The following PTPRJ variants were observed in gnomAD, a reference collection of about 807,000 sequenced individuals.
PTPRJ encodes receptor-type tyrosine-protein phosphatase eta.
A neutral mutation model predicts 141.3 loss-of-function variants in PTPRJ; 129 were observed. The ratio of observed to expected loss-of-function variants is 0.91; its 90% CI spans 0.79 to 1.06. The LOEUF (loss-of-function observed/expected upper bound fraction) is 1.06. Among genes scored for constraint, PTPRJ ranks in the 50% least tolerant of loss-of-function variants. The pLI, the probability that PTPRJ is intolerant of heterozygous loss-of-function variation, is 0.00. For synonymous variants in PTPRJ, 610 were observed against 640.5 expected, an observed-to-expected ratio of 0.95 and a Z score of 0.72; for missense variants, 1,601 against 1,679.7, an observed-to-expected ratio of 0.95 and a Z score of 0.82.
intron 1 of PTPRJ, among the ~76,000 whole-genome samples, chr11:48,106,952 A>G (rs2134320485): frequency 6.6e-6 from 1 of 151,676 alleles, no homozygotes; most frequent in South Asian, 2.1e-4. Flanking sequence ...TATTTTTAGT[A>G]GAGTTGGGGT....
At chr11:48,115,664 A>G (rs867858243) in intron 3 of PTPRJ, among the ~76,000 whole-genome samples, 5 of 152,376 alleles carry the variant, frequency 3.3e-5, no homozygotes, top group Middle Eastern at 3.4e-3. Context: ...GAATACTGTA[A>G]TGGTCATACA....
intron 1 of PTPRJ, among the ~76,000 whole-genome samples, chr11:47,986,944 GGT>G (rs1200891218): frequency 6.6e-6 from 1 of 152,164 alleles, no homozygotes; most frequent in Non-Finnish European, 1.5e-5. Context: ...GGCTGGGCAG[GGT>G]GACTCATTCC....
chr11:48,008,083 G>C (rs1346046295), intron 1 of PTPRJ, among the ~76,000 whole-genome samples: 1 of 152,094 alleles, frequency 6.6e-6, no homozygotes, highest in East Asian at 1.9e-4. Context: ...GGCTTTTAGG[G>C]TTGAGTTCTG....
At chr11:48,136,950 G>A in intron 9 of PTPRJ, 53 bp from the exon 10 acceptor site, 1 of 1,477,850 alleles carries the variant, frequency 6.8e-7, no homozygotes, top group Non-Finnish European at 9.3e-7. Context: ...AATAGTCCTG[G>A]AATTCTACTT....
intron 1 of PTPRJ, among the ~76,000 whole-genome samples, chr11:48,059,734 TCCTC>T (rs1351953545): frequency 2.6e-5 from 4 of 152,076 alleles, no homozygotes; most frequent in African/African-American, 7.2e-5. Flanking sequence ...GCCAAATGCT[TCCTC>T]CCAGCCGCCT....
In PTPRJ at chr11:48,146,952, G is replaced by C. The variant is rs771982808; in HGVS notation, c.2988G>C (p.Trp996Cys). 1 of 1,613,476 alleles carries C rather than the reference G, an allele frequency of 6.2e-7. No homozygotes were observed. The change falls in exon 15 of 25, where the codon TGG becomes TGC. Residue 996 changes from tryptophan to cysteine, a missense_variant. Trp to Cys is a radical substitution (Grantham distance 215). Transcript: ENST00000418331. ...TGACTGTGGGAGGCTTCATCTTCTGGAGAAAGAAGAGGTGATATTGCTTAT... is the reference window on the plus strand; with the variant it reads ...TGACTGTGGGAGGCTTCATCTTCTGCAGAAAGAAGAGGTGATATTGCTTAT... ...VIVTVGGFIF[W>C]RKKRKDAKNN...
intron 1 of PTPRJ, among the ~76,000 whole-genome samples, chr11:48,074,709 T>G (rs1354205823): frequency 6.6e-6 from 1 of 152,218 alleles, no homozygotes. Flanking sequence ...CACTGAACCT[T>G]AATCCTTAGG....
At position 47,980,956 on chromosome 11, in the gene PTPRJ, C is replaced by T. The variant is rs973903118; in HGVS notation, c.44C>T (p.Pro15Leu). 8.3e-7 allele frequency: 1 copy of T among 1,202,914 alleles called. No homozygotes were observed. The highest frequency in any genetic ancestry group is 1.0e-6 in the Non-Finnish European group (1 of 969,822). 74.5% of individuals were successfully genotyped at this position (1,202,914 alleles called of 1,614,324 possible). A position where few individuals can be genotyped will look rare whatever the true frequency, so the allele number is the denominator to read the frequency against. The change falls in exon 1 of 25, where the codon CCC becomes CTC. Residue 15 changes from proline (P) to leucine (L), a missense_variant. Transcript: ENST00000418331. ...GAGGCGCGGCTGCCTCCGCGCTCGCCCGGGCTGCGCTGGGCGCTGCCGCTG... is the reference window on the plus strand; with the variant it reads ...GAGGCGCGGCTGCCTCCGCGCTCGCTCGGGCTGCGCTGGGCGCTGCCGCTG... ...AREARLPPRS[P>L]GLRWALPLLL...
chr11:48,057,986 G>C (rs956080634), intron 1 of PTPRJ, among the ~76,000 whole-genome samples: 2 of 150,920 alleles, frequency 1.3e-5, no homozygotes, highest in African/African-American at 4.9e-5. Context: ...ATCTCGGCTC[G>C]CTGCAGCCTC....
intron 1 of PTPRJ, among the ~76,000 whole-genome samples, chr11:48,027,420 TATGG>T (rs1158158999): frequency 1.3e-5 from 2 of 152,038 alleles, no homozygotes; most frequent in African/African-American, 4.8e-5. Flanking sequence ...TTGGTCCTGA[TATGG>T]ATGGGGCTAG....
chr11:48,021,330 C>T (rs558280196), intron 1 of PTPRJ, among the ~76,000 whole-genome samples: 56 of 151,316 alleles, frequency 3.7e-4, no homozygotes, highest in African/African-American at 1.3e-3. Context: ...GCCAAGATCA[C>T]GCCATTGCAC....
At chr11:48,012,213 G>A (rs1714063281) in intron 1 of PTPRJ, among the ~76,000 whole-genome samples, 1 of 152,024 alleles carries the variant, frequency 6.6e-6, no homozygotes, top group Non-Finnish European at 1.5e-5. Flanking sequence ...GTGAGTGCTT[G>A]GCTAGTGGCA....
rs909941320 is a variant in PTPRJ, at chr11:48,168,842, T to A, written c.*1480T>A. 2.6e-5 allele frequency: 4 copies of A among 151,982 alleles called. No homozygotes were observed. Among genetic ancestry groups the A allele is most frequent in the Non-Finnish European group, 5.9e-5 (4 of 68,000 alleles). 9.4% of individuals were successfully genotyped at this position (151,982 alleles called of 1,614,324 possible). Reference sequence around the variant, plus strand: ...ATTAACATGAAAAGATTTTTTCTTTTTATTTTATATTGTGGCTCAGGTTAT... The same window carrying A: ...ATTAACATGAAAAGATTTTTTCTTTATATTTTATATTGTGGCTCAGGTTAT... On this transcript the variant is annotated 3_prime_UTR_variant, in exon 25 of 25. Transcript: ENST00000418331.
intron 18 of PTPRJ, among the ~76,000 whole-genome samples, chr11:48,152,885 G>T (rs1370169714): frequency 6.6e-6 from 1 of 152,070 alleles, no homozygotes; most frequent in Non-Finnish European, 1.5e-5. Context: ...TGTTCTTTTG[G>T]CTTAGGATTG....
At chr11:48,149,907 T>C in intron 16 of PTPRJ, 83 bp from the exon 17 acceptor site, 1 of 1,108,398 alleles carries the variant, frequency 9.0e-7, no homozygotes, top group Non-Finnish European at 1.3e-6. Context: ...TTTGTTGTTT[T>C]GGGAAGATTG....
At chr11:48,134,328 A>G (rs567125235) in intron 8 of PTPRJ, among the ~76,000 whole-genome samples, 1 of 152,312 alleles carries the variant, frequency 6.6e-6, no homozygotes, top group South Asian at 2.1e-4. Context: ...TAGTGGCTAA[A>G]GAGTATTTCA....
In PTPRJ at chr11:48,136,065, G is replaced by T; in HGVS notation, c.1642G>T (p.Val548Leu). The T allele has an allele frequency of 1.2e-6, 2 of 1,614,118 alleles. No homozygotes were observed. Among genetic ancestry groups the T allele is most frequent in the Non-Finnish European group, 8.5e-7 (1 of 1,179,986 alleles). ...TVPSAVFDIHVVYVTTTEMWL... is the reference protein window; with the variant it reads ...TVPSAVFDIHLVYVTTTEMWL... ...TCCCAGTGCAGTGTTTGACATCCAC[G>T]TGGTCTACGTCACCACCACGGAGAT... The change falls in exon 9 of 25, where the codon GTG (valine) becomes TTG (leucine). Residue 548 changes from valine (V) to leucine (L), a missense_variant. Transcript: ENST00000418331.
intron 10 of PTPRJ, among the ~76,000 whole-genome samples, 170 bp from the exon 11 acceptor site, chr11:48,139,316 A>ACT (rs1203202997): frequency 8.1e-4 from 123 of 152,260 alleles, no homozygotes; most frequent in African/African-American, 2.5e-3. Context: ...CAGTTGGGTG[A>ACT]CTGACCCAAG....
intron 1 of PTPRJ, among the ~76,000 whole-genome samples, chr11:47,985,152 G>C (rs553763311): frequency 3.6e-4 from 54 of 150,638 alleles, no homozygotes; most frequent in Non-Finnish European, 6.7e-4. Context: ...TGCCCGGCCT[G>C]TTTTTGTTTT....
Sources: gnomAD v4.1 joint callset for allele counts (sites outside exome capture counted in the v4.1 genomes callset) on GRCh38, gnomAD v4.1.1 for gene constraint, MANE v1.5 for transcripts, NCBI Gene and HGNC (gene_info 2026-07-23, HGNC 2026-07-21) for gene names.